The following VWA5B1 variants were observed in gnomAD, a reference collection of about 807,000 sequenced individuals.
VWA5B1 encodes the protein von Willebrand factor A domain-containing protein 5B1.
VWA5B1 carries 115 observed loss-of-function variants against 118.2 expected under a neutral mutation model. That is an observed-to-expected ratio of 0.97 (90% CI 0.84 to 1.14). VWA5B1 has a LOEUF of 1.14. Ranked by LOEUF, VWA5B1 falls within the 50% of genes most tolerant of loss-of-function variation. The probability of loss-of-function intolerance (pLI) is 0.00; values close to 1 mark genes in which losing one functional copy is unlikely to be tolerated. For synonymous variants in VWA5B1, 682 were observed against 658.4 expected (o/e 1.04, Z -0.55); for missense variants, 1,596 against 1,603.8 (o/e 1.00, Z 0.08).
chr1:20,344,491 C>A lies in VWA5B1; in HGVS notation c.2627-965C>A, dbSNP rs983158641. 2.0e-5 allele frequency among the ~76,000 whole-genome samples: 3 copies of A among 152,306 alleles called. No individual in the cohort carries two copies. In the East Asian group the frequency reaches 5.8e-4, roughly 29 times the overall value. ...AGTGCTTGACAAACTAGCAGGGAAG[C>A]CAGCATTAATCAAATCATTACACAA... is the stretch of plus-strand genomic sequence containing the variant. On this transcript the variant is annotated intron_variant, in intron 16 of 21. Coordinates refer to ENST00000289815, the MANE Select transcript of VWA5B1 (RefSeq NM_001039500.3).
intron 14 of VWA5B1, 109 bp downstream of exon 14, chr1:20,337,945 A>T (rs1224532216): frequency 7.4e-7 from 1 of 1,358,642 alleles, no homozygotes; most frequent in Non-Finnish European, 1.0e-6. Flanking sequence ...TTACACTGCC[A>T]AGTGAGTCAC....
chr1:20,322,361 G>A (rs1300341475), intron 7 of VWA5B1, among the ~76,000 whole-genome samples: 2 of 152,200 alleles, frequency 1.3e-5, no homozygotes, highest in African/African-American at 4.8e-5. Context: ...GGGGTGGAAA[G>A]TGAAAGCAGC....
In VWA5B1 at chr1:20,353,967, G is replaced by T; in HGVS notation, c.3352G>T (p.Glu1118Ter). The T allele has an allele frequency of 6.4e-7, 1 of 1,551,720 alleles. No individual in the cohort carries two copies. ...CCCGTCCTGTGACAGCTTCTCCCTG[G>T]AGCCTCTGGCCAAGGGCAAGCTGGG... ...RHPSCDSFSL[E>*]PLAKGKLGLE... is the part of the protein sequence containing the mutation. Residue 1118 changes from glutamate to a stop codon, truncating the protein, a stop_gained, in exon 22 of 22, where the codon GAG (glutamate) becomes TAG (stop). Transcript: ENST00000289815. LOFTEE classifies it high-confidence loss of function.
intron 4 of VWA5B1, among the ~76,000 whole-genome samples, chr1:20,316,165 T>A (rs974328705): frequency 1.3e-5 from 2 of 152,136 alleles, no homozygotes; most frequent in African/African-American, 4.8e-5. Flanking sequence ...AGAGGGGGGA[T>A]GCTTGTTCAC....
Position 20,353,749 on chromosome 1 carries a change from A to C in VWA5B1, c.3142-8A>C, listed in dbSNP as rs896747454. The C allele has an allele frequency of 1.7e-5, 24 of 1,453,638 alleles. No individual in the cohort carries two copies. Among genetic ancestry groups the C allele is most frequent in the Admixed American group, 2.8e-5 (1 of 35,198 alleles). 90.0% of individuals were successfully genotyped at this position (1,453,638 alleles called of 1,614,324 possible). ...TGAGGCCCACTGAAGGGCTTCCCCC[A>C]CACACAGGTGTCTCTGCAGCTGGCC... is the stretch of plus-strand genomic sequence containing the variant. On this transcript the variant is annotated splice_polypyrimidine_tract_variant and splice_region_variant and intron_variant, in intron 21 of 21. Coordinates refer to ENST00000289815, the MANE Select transcript of VWA5B1 (RefSeq NM_001039500.3).
intron 1 of VWA5B1, among the ~76,000 whole-genome samples, chr1:20,299,460 G>A (rs1240087887): frequency 6.6e-6 from 1 of 152,206 alleles, no homozygotes; most frequent in Non-Finnish European, 1.5e-5. Flanking sequence ...CTGAAGTGCA[G>A]TAGTGCGATC....
chr1:20,329,768 A>T (rs909669357), intron 9 of VWA5B1, among the ~76,000 whole-genome samples: 1 of 152,208 alleles, frequency 6.6e-6, no homozygotes, highest in African/African-American at 2.4e-5. Flanking sequence ...ATTTTCTCAA[A>T]ATGTCACAGG....
At chr1:20,310,061 T>C (rs1429186447) in intron 1 of VWA5B1, among the ~76,000 whole-genome samples, 1 of 151,870 alleles carries the variant, frequency 6.6e-6, no homozygotes, top group Admixed American at 6.6e-5. Context: ...TTGGTGACTA[T>C]TGGGGTTGGC....
rs1252796601 is a variant in VWA5B1 at position 20,330,998 on chromosome 1, C to T, written c.1572+15C>T. On this transcript the variant is annotated intron_variant, in intron 11 of 21. Coordinates refer to ENST00000289815, the MANE Select transcript of VWA5B1 (RefSeq NM_001039500.3). ...TGCAACCCAAGGTAGGCAGCAGAAC[C>T]CACGCAGTCCCTTCTGGTGCTGGAA... The T allele has an allele frequency of 4.6e-6, 7 of 1,530,644 alleles. No homozygotes were observed. Among genetic ancestry groups the T allele is most frequent in the South Asian group, 1.3e-5 (1 of 79,980 alleles). The allele number at this position is 1,530,644 out of a possible 1,614,324, so 94.8% of individuals were successfully genotyped here.
chr1:20,345,581 T>A lies in VWA5B1; in HGVS notation c.2752T>A (p.Tyr918Asn). 6.5e-7 allele frequency: 1 copy of A among 1,549,104 alleles called. No individual in the cohort carries two copies. The highest frequency in any genetic ancestry group is 8.7e-7 in the Non-Finnish European group (1 of 1,146,008). ...KSRYLPTVVE[Y>N]PNSGAALRML... ...CCGGTACCTGCCCACCGTGGTGGAGTACCCCAACTCTGGTAAGGCAGGCGA... is the reference window on the plus strand; with the variant it reads ...CCGGTACCTGCCCACCGTGGTGGAGAACCCCAACTCTGGTAAGGCAGGCGA... The change falls in exon 17 of 22, where the codon TAC (tyrosine) becomes AAC (asparagine). Residue 918 changes from tyrosine (Y) to asparagine (N), a missense_variant. By Grantham distance (143) the Tyr-to-Asn change is moderately radical. Transcript: ENST00000289815.
intron 5 of VWA5B1, among the ~76,000 whole-genome samples, chr1:20,318,150 C>T (rs947259686): frequency 2.6e-5 from 4 of 151,560 alleles, no homozygotes; most frequent in Non-Finnish European, 4.4e-5. Flanking sequence ...AAGCTTCTCC[C>T]CACAACCACT....
At position 20,354,336 on chromosome 1, in the gene VWA5B1, T is replaced by C. The variant is rs963630493; in HGVS notation, c.*73T>C. ...ATGGGCAGGGCCATGTCGGCCTGGT[T>C]TCGGGGAGCTTTTGGAGCTGTAACT... On this transcript the variant is annotated 3_prime_UTR_variant, in exon 22 of 22. Coordinates refer to ENST00000289815, the MANE Select transcript of VWA5B1 (RefSeq NM_001039500.3). 1.1e-5 allele frequency: 16 copies of C among 1,462,168 alleles called. No individual in the cohort carries two copies. In the African/African-American group the frequency reaches 1.8e-4, roughly 17 times the overall value. The allele number at this position is 1,462,168 out of a possible 1,614,324, so 90.6% of individuals were successfully genotyped here. A position where few individuals can be genotyped will look rare whatever the true frequency, so the allele number is the denominator to read the frequency against.
chr1:20,327,123 T>C (rs2089410305), intron 8 of VWA5B1, among the ~76,000 whole-genome samples: 1 of 152,108 alleles, frequency 6.6e-6, no homozygotes, highest in Admixed American at 6.6e-5. Flanking sequence ...GGTCTCCTGC[T>C]GGGGTTACAT....
In VWA5B1 at chr1:20,353,866, G is replaced by C. The variant is rs370322551; in HGVS notation, c.3251G>C (p.Arg1084Pro). ...TGGACGTCCCCCTTCACCTGCCATC[G>C]AGTGTCCCTCACCACCCGCCCGTCT... ...LKWTSPFTCH[R>P]VSLTTRPSES... The change falls in exon 22 of 22, where the codon CGA (arginine) becomes CCA (proline). Residue 1084 changes from arginine (R) to proline (P), a missense_variant. Physicochemically the swap from Arg to Pro is moderately radical, Grantham distance 103 (BLOSUM62 -2). Transcript: ENST00000289815. The C allele has an allele frequency of 6.5e-7, 1 of 1,543,198 alleles. No individual in the cohort carries two copies. The highest frequency in any genetic ancestry group is 1.2e-5 in the South Asian group (1 of 82,156).
chr1:20,298,015 T>TTTTG (rs1553193558), intron 1 of VWA5B1, among the ~76,000 whole-genome samples: 115 of 140,318 alleles, frequency 8.2e-4, no homozygotes, highest in Middle Eastern at 7.4e-3. Flanking sequence ...TTTTTTTTTT[T>TTTTG]TTTGTTTGTT....
At chr1:20,337,924 C>A in intron 14 of VWA5B1, 88 bp downstream of exon 14, 2 of 1,495,418 alleles carry the variant, frequency 1.3e-6, no homozygotes, top group Non-Finnish European at 1.8e-6. Flanking sequence ...CAGGACGTGG[C>A]CATCCACAAC....
chr1:20,321,267 A>G (rs1409637028), intron 7 of VWA5B1, among the ~76,000 whole-genome samples: 2 of 152,174 alleles, frequency 1.3e-5, no homozygotes, highest in African/African-American at 4.8e-5. Context: ...TGGAGCTTAT[A>G]TTCTGGGATG....
chr1:20,321,910 TG>T (rs2089230914), intron 7 of VWA5B1, among the ~76,000 whole-genome samples: 1 of 152,192 alleles, frequency 6.6e-6, no homozygotes, highest in African/African-American at 2.4e-5. Flanking sequence ...TCCTAAACTA[TG>T]GTTCAGAGTA....
chr1:20,299,578 AG>A (rs2088468576), intron 1 of VWA5B1, among the ~76,000 whole-genome samples: 1 of 152,022 alleles, frequency 6.6e-6, no homozygotes, highest in South Asian at 2.1e-4. Context: ...TAATTTTTGT[AG>A]TTTTAGTAAA....
Sources: gnomAD v4.1 joint callset for allele counts (sites outside exome capture counted in the v4.1 genomes callset) on GRCh38, gnomAD v4.1.1 for gene constraint, MANE v1.5 for transcripts, NCBI Gene and HGNC (gene_info 2026-07-23, HGNC 2026-07-21) for gene names.